The following FOXP2 variants were observed in gnomAD, a reference collection of about 807,000 sequenced individuals.
FOXP2 encodes the protein forkhead box P2, also known as forkhead box protein P2.
In FOXP2, 12 loss-of-function variants were observed where a neutral mutation model predicts 115.8. The ratio of observed to expected loss-of-function variants is 0.10; its 90% CI spans 0.07 to 0.17. FOXP2 has a LOEUF of 0.17. FOXP2 is among the 10% of genes least tolerant of loss of function. The probability of loss-of-function intolerance (pLI) is 1.00; values close to 1 mark genes in which losing one functional copy is unlikely to be tolerated. For synonymous variants in FOXP2, 328 were observed against 297.7 expected, an observed-to-expected ratio of 1.10 and a Z score of -1.05; for missense variants, 629 against 843.5, an observed-to-expected ratio of 0.75 and a Z score of 3.15.
chr7:114,132,578 TGTGTGAGAGA>T (rs1305035536), intron 1 of FOXP2, among the ~76,000 whole-genome samples: 3 of 58,778 alleles, frequency 5.1e-5, no homozygotes, highest in Non-Finnish European at 9.5e-5. Context: ...TGTGTGTGTG[TGTGTGAGAGA>T]GAGAGAGAGA....
intron 1 of FOXP2, among the ~76,000 whole-genome samples, chr7:114,263,016 T>A (rs1383667747): frequency 6.6e-6 from 1 of 152,200 alleles, no homozygotes; most frequent in East Asian, 1.9e-4. Context: ...ACCTTTTTCC[T>A]TTTAGCTCTG....
intron 1 of FOXP2, among the ~76,000 whole-genome samples, chr7:114,226,199 C>T (rs1388731447): frequency 6.6e-6 from 1 of 152,148 alleles, no homozygotes; most frequent in Non-Finnish European, 1.5e-5. Flanking sequence ...TGTTATTGAA[C>T]CAATCTTAAT....
intron 2 of FOXP2, among the ~76,000 whole-genome samples, chr7:114,507,640 G>A (rs1057309677): frequency 1.3e-5 from 2 of 151,838 alleles, no homozygotes; most frequent in African/African-American, 4.8e-5. Context: ...TAATAATATT[G>A]GCTTGTCCTT....
intron 1 of FOXP2, among the ~76,000 whole-genome samples, chr7:114,271,937 A>G (rs1796066070): frequency 7.6e-6 from 1 of 131,570 alleles, no homozygotes; most frequent in Non-Finnish European, 1.6e-5. Context: ...TTATAATATT[A>G]ATATATTGTA....
chr7:114,333,829 A>C (rs372122803), intron 2 of FOXP2, among the ~76,000 whole-genome samples: 3 of 151,970 alleles, frequency 2.0e-5, no homozygotes, highest in African/African-American at 7.2e-5. Context: ...CATAGGGTGC[A>C]TTGAGCCAAG....
chr7:114,659,709 A>G, intron 13 of FOXP2, 36 bp downstream of exon 13: 2 of 1,438,046 alleles, frequency 1.4e-6, no homozygotes, highest in Non-Finnish European at 9.8e-7. Flanking sequence ...GATGCCTACC[A>G]CAGTTCCTTA....
Position 114,690,442 on chromosome 7 carries a change from C to T in FOXP2, c.*516C>T, listed in dbSNP as rs1808607174. On this transcript the variant is annotated 3_prime_UTR_variant, in exon 17 of 17. Coordinates refer to ENST00000350908, the MANE Select transcript of FOXP2 (RefSeq NM_014491.4). ...GGAGTAGTATCAGAAATTAGTGTCA[C>T]TGCTTGTATCTAGCTGAATTTTAAA... is the stretch of plus-strand genomic sequence containing the variant. 2.2e-6 allele frequency: 1 copy of T among 453,740 alleles called. No individual in the cohort carries two copies. The highest frequency in any genetic ancestry group is 2.0e-5 in the African/African-American group (1 of 49,984). 28.1% of individuals were successfully genotyped at this position (453,740 alleles called of 1,614,324 possible).
intron 1 of FOXP2, among the ~76,000 whole-genome samples, chr7:114,185,915 G>A (rs1793589899): frequency 6.6e-6 from 1 of 152,062 alleles, no homozygotes. Context: ...CTGGAGCCTG[G>A]GAAATACACT....
chr7:114,580,671 A>C (rs1426461509), intron 3 of FOXP2, among the ~76,000 whole-genome samples: 1 of 152,202 alleles, frequency 6.6e-6, no homozygotes, highest in Non-Finnish European at 1.5e-5. Flanking sequence ...TGACAATTAG[A>C]AAAACAAGAA....
intron 2 of FOXP2, among the ~76,000 whole-genome samples, chr7:114,373,949 C>T (rs1792076432): frequency 6.6e-6 from 1 of 152,140 alleles, no homozygotes; most frequent in African/African-American, 2.4e-5. Context: ...CCTTTTGCCT[C>T]ATAGAAGCTG....
Position 114,658,076 on chromosome 7 carries a change from T to A in FOXP2, c.1277T>A (p.Val426Glu). 6.2e-7 allele frequency: 1 copy of A among 1,613,836 alleles called. No homozygotes were observed. Among genetic ancestry groups the A allele is most frequent in the Non-Finnish European group, 8.5e-7 (1 of 1,179,814 alleles). The change falls in exon 11 of 17, where the codon GTG becomes GAG. Residue 426 changes from valine (V) to glutamate (E), a missense_variant. By Grantham distance (121) the Val-to-Glu change is moderately radical. Transcript: ENST00000350908. ...PKPSPKPLNL[V>E]SSVTMSKNML... is the part of the protein sequence containing the mutation. ...CTTGGGCCTTTGCAGCTAAATCTGG[T>A]GTCTAGTGTCACCATGTCGAAGAAT...
At chr7:114,262,871 T>C (rs909445003) in intron 1 of FOXP2, among the ~76,000 whole-genome samples, 8 of 152,208 alleles carry the variant, frequency 5.3e-5, no homozygotes, top group African/African-American at 1.9e-4. Context: ...AGGTTTTTCT[T>C]TAATTTCTAC....
chr7:114,269,105 G>A lies in FOXP2; in HGVS notation c.-101-18914G>A, dbSNP rs1016848332. ...TATTCTAGCTAAGTAAACAAATAGG[G>A]CCTATACTTTATGCACAAGATACAG... is the stretch of plus-strand genomic sequence containing the variant. On this transcript the variant is annotated intron_variant, in intron 1 of 17. Coordinates refer to the FOXP2 transcript ENST00000634411. 2.6e-5 allele frequency among the ~76,000 whole-genome samples: 4 copies of A among 152,050 alleles called. No individual in the cohort carries two copies. The South Asian group carries it at 6.2e-4, about 24-fold the overall frequency.
intron 3 of FOXP2, among the ~76,000 whole-genome samples, chr7:114,589,542 A>T (rs571352536): frequency 6.6e-6 from 1 of 152,262 alleles, no homozygotes; most frequent in African/African-American, 2.4e-5. Context: ...TATCTTTCTC[A>T]TTCCTCCACC....
At chr7:114,232,715 A>G (rs149978154) in intron 1 of FOXP2, among the ~76,000 whole-genome samples, 3,622 of 152,026 alleles carry the variant, frequency 0.024, 115 homozygotes, top group African/African-American at 0.073. Flanking sequence ...CCAGAGGCTG[A>G]GGCAGGAGAA....
chr7:114,465,831 T>A (rs1795775854), intron 2 of FOXP2, among the ~76,000 whole-genome samples: 1 of 152,154 alleles, frequency 6.6e-6, no homozygotes, highest in East Asian at 1.9e-4. Context: ...TTGTTCTTCA[T>A]GGCTAAGTGC....
chr7:114,562,617 A>T (rs980516970), intron 3 of FOXP2, among the ~76,000 whole-genome samples: 2 of 152,118 alleles, frequency 1.3e-5, no homozygotes, highest in African/African-American at 4.8e-5. Flanking sequence ...CCTCTTCCAG[A>T]ACCTTGTCTT....
At chr7:114,255,848 T>C (rs574562173) in intron 1 of FOXP2, among the ~76,000 whole-genome samples, 1 of 152,194 alleles carries the variant, frequency 6.6e-6, no homozygotes, top group South Asian at 2.1e-4. Flanking sequence ...AGTACCTCAG[T>C]TGGAAATGCA....
intron 6 of FOXP2, among the ~76,000 whole-genome samples, chr7:114,638,483 T>C (rs2129331255): frequency 6.6e-6 from 1 of 152,304 alleles, no homozygotes; most frequent in African/African-American, 2.4e-5. Context: ...CCATCAAGCC[T>C]TCAAAGCTCA....
Sources: allele counts gnomAD v4.1 joint callset (sites outside exome capture counted in the v4.1 genomes callset), GRCh38; gene constraint gnomAD v4.1.1; transcripts MANE v1.5; gene names NCBI Gene and HGNC (gene_info 2026-07-23, HGNC 2026-07-21).